Variants in NFIC observed in about 807,000 individuals in gnomAD.
NFIC encodes nuclear factor I C, also known as nuclear factor 1 C-type.
A neutral mutation model predicts 54.4 loss-of-function variants in NFIC; 12 were observed. The ratio of observed to expected loss-of-function variants is 0.22; its 90% CI spans 0.14 to 0.36. The LOEUF (loss-of-function observed/expected upper bound fraction) is 0.36. Ranked by LOEUF, NFIC falls within the 10% of genes least tolerant of loss-of-function variation. The pLI is 1.00. For missense variants in NFIC, 575 were observed against 718.2 expected (o/e 0.80, Z 2.28); for synonymous variants, 322 against 319.2 (o/e 1.01, Z -0.09).
intron 1 of NFIC, among the ~76,000 whole-genome samples, chr19:3,361,470 C>T (rs1298311337): frequency 6.6e-6 from 1 of 152,090 alleles, no homozygotes; most frequent in Non-Finnish European, 1.5e-5. Flanking sequence ...TTTGTCACCT[C>T]CAGGGAAATC....
Position 3,452,525 on chromosome 19 carries a change from TACG to T in NFIC, c.1132_1134del (p.Thr378del). 12 of 1,613,276 alleles carry T rather than the reference TACG, an allele frequency of 7.4e-6. No individual in the cohort carries two copies. The highest frequency in any genetic ancestry group is 1.0e-5 in the Non-Finnish European group (12 of 1,179,998). ...ACCCGTCCTCCGCTCTGCATTTCCC[TACG>T]ACGTCCATCCTACCCCAGACGGCCT... On this transcript the variant is annotated inframe_deletion, in exon 8 of 11. Coordinates refer to ENST00000443272, the MANE Select transcript of NFIC (RefSeq NM_001245002.2). This position sits in a 1 kb window ranked among gnomAD's most constrained non-coding sequence, Gnocchi z 5.3.
At chr19:3,409,857 C>T (rs910126204) in intron 2 of NFIC, among the ~76,000 whole-genome samples, 10 of 152,322 alleles carry the variant, frequency 6.6e-5, no homozygotes, top group Middle Eastern at 3.4e-3. Flanking sequence ...CATGACACCT[C>T]ACAGACCTGG....
chr19:3,417,629 T>TTC (rs1198560977), intron 2 of NFIC, among the ~76,000 whole-genome samples: 3 of 143,930 alleles, frequency 2.1e-5, no homozygotes, highest in African/African-American at 7.8e-5. Context: ...CTTTTCTTTT[T>TTC]TTTTTTTTTT....
intron 3 of NFIC, among the ~76,000 whole-genome samples, chr19:3,431,975 G>A (rs552254216): frequency 4.6e-5 from 7 of 152,256 alleles, no homozygotes; most frequent in South Asian, 2.1e-4. Context: ...GCTGTCTGTC[G>A]CTCACACTGG....
intron 6 of NFIC, among the ~76,000 whole-genome samples, chr19:3,439,845 T>C (rs1025880308): frequency 2.6e-5 from 4 of 151,242 alleles, no homozygotes; most frequent in African/African-American, 4.9e-5. Flanking sequence ...CCCACCACCA[T>C]GCCCGGCTAA....
chr19:3,463,019 A>G lies in NFIC; in HGVS notation c.*250A>G. ...CAAGAAGACAAAAGGTAAAGACGCA[A>G]CGTTTCCAACTCTCGGGACGCCAAG... On this transcript the variant is annotated 3_prime_UTR_variant, in exon 11 of 11. Transcript: ENST00000443272. The G allele has an allele frequency of 7.3e-7, 1 of 1,364,686 alleles. No individual in the cohort carries two copies. The highest frequency in any genetic ancestry group is 1.5e-5 in the African/African-American group (1 of 66,896). The allele number at this position is 1,364,686 out of a possible 1,614,324, so 84.5% of individuals were successfully genotyped here.
rs1036279613 is a variant in NFIC, at chr19:3,452,788, T to G, written c.1269+122T>G. On this transcript the variant is annotated intron_variant, in intron 8 of 10. Coordinates refer to ENST00000443272, the MANE Select transcript of NFIC (RefSeq NM_001245002.2). This position sits in a 1 kb window ranked among gnomAD's most constrained non-coding sequence, Gnocchi z 5.3. Reference sequence around the variant, plus strand: ...GGGTCTTGAGGACTTGGCTCTGAAGTCCCCTCCTCTGTCGTGCTGGGAGGC... The same window carrying G: ...GGGTCTTGAGGACTTGGCTCTGAAGGCCCCTCCTCTGTCGTGCTGGGAGGC... 3.8e-5 allele frequency: 46 copies of G among 1,210,824 alleles called. No individual in the cohort carries two copies. The highest frequency in any genetic ancestry group is 5.1e-5 in the Non-Finnish European group (45 of 879,318). The allele number at this position is 1,210,824 out of a possible 1,614,324, so 75.0% of individuals were successfully genotyped here.
chr19:3,456,586 C>G lies in NFIC; in HGVS notation c.1460C>G (p.Ser487Cys), dbSNP rs1371809996. Residue 487 changes from serine (S) to cysteine (C), a missense_variant, in exon 10 of 11, where the codon TCC (serine) becomes TGC (cysteine). Around this residue, in one of 3 missense-constraint regions of NFIC, gnomAD observed 447 missense variants for 526.9 expected, o/e 0.85. Transcript: ENST00000443272. ...CCCGACACGTCCCCTGCAAACCGTT[C>G]CTTTGTGGGATTAGGACCAAGGGAT... ...SPPDTSPANR[S>C]FVGLGPRDPA... 9.7e-6 allele frequency: 15 copies of G among 1,554,276 alleles called. No homozygotes were observed. The highest frequency in any genetic ancestry group is 1.1e-5 in the Non-Finnish European group (13 of 1,148,216).
chr19:3,380,519 G>A (rs1197053749), intron 1 of NFIC, among the ~76,000 whole-genome samples: 1 of 151,344 alleles, frequency 6.6e-6, no homozygotes, highest in Non-Finnish European at 1.5e-5. Flanking sequence ...AGTAGGGACG[G>A]GGTTTTGCCA....
chr19:3,363,228 T>TGTGTGTGTGTGTGTGTGCGC (rs1420040180), upstream of NFIC, among the ~76,000 whole-genome samples: 137 of 61,758 alleles, frequency 2.2e-3, 7 homozygotes, highest in African/African-American at 5.2e-3. Flanking sequence ...TGTATATGTA[T>TGTGTGTGTGTGTGTGTGCGC]GTGTATGTGT....
At chr19:3,456,388 C>T (rs1464882951) in intron 9 of NFIC, among the ~76,000 whole-genome samples, 162 bp from the exon 10 acceptor site, 2 of 152,178 alleles carry the variant, frequency 1.3e-5, no homozygotes, top group Non-Finnish European at 2.9e-5. Flanking sequence ...CAGGGGGGCC[C>T]GGTTCAACTG....
At chr19:3,403,834 G>A (rs1186144334) in intron 2 of NFIC, among the ~76,000 whole-genome samples, 2 of 140,928 alleles carry the variant, frequency 1.4e-5, no homozygotes, top group African/African-American at 2.6e-5. Context: ...GCCACCCCCC[G>A]CCGCGCCCGG....
rs1260886393 is a variant in NFIC, at chr19:3,370,752, C to T, written c.30+4086C>T. The stretch of plus-strand genomic sequence containing the variant: ...TCTGTTCCTCCTCTTCTTTCTCTCT[C>T]TCTGTCTCTCTGAGCTGGCCTCCCT... On this transcript the variant is annotated intron_variant, in intron 1 of 10. Transcript: ENST00000443272. This position sits in a 1 kb window ranked among gnomAD's most constrained non-coding sequence, Gnocchi z 5.2. 1.3e-5 allele frequency among the ~76,000 whole-genome samples: 2 copies of T among 151,938 alleles called. No homozygotes were observed.
chr19:3,405,354 G>GT (rs1196566355), intron 2 of NFIC, among the ~76,000 whole-genome samples: 4 of 152,172 alleles, frequency 2.6e-5, no homozygotes, highest in African/African-American at 9.7e-5. Flanking sequence ...ATGGGCTTGT[G>GT]TTTTTTCCTC....
At position 3,467,913 on chromosome 19, in the gene NFIC, C is replaced by G. The variant is rs2082739105; in HGVS notation, c.*5144C>G. ...GGAGGGCGCTGGGACATACATCTCT[C>G]AATCCAGCTTCCTCCGCATCCTCCC... On this transcript the variant is annotated 3_prime_UTR_variant, in exon 11 of 11. Coordinates refer to ENST00000443272, the MANE Select transcript of NFIC (RefSeq NM_001245002.2). 6.6e-6 allele frequency: 1 copy of G among 151,588 alleles called. No individual in the cohort carries two copies. The highest frequency in any genetic ancestry group is 2.1e-4 in the South Asian group (1 of 4,798). 9.4% of individuals were successfully genotyped at this position (151,588 alleles called of 1,614,324 possible).
In NFIC at chr19:3,375,094, TAAG is replaced by T. The variant is rs1223587977; in HGVS notation, c.31-6616_31-6614del. Among the ~76,000 whole-genome samples, 6 of 127,458 alleles carry T rather than the reference TAAG, an allele frequency of 4.7e-5. No homozygotes were observed. In the Admixed American group the frequency reaches 5.9e-4, roughly 12 times the overall value. 83.6% of individuals were successfully genotyped at this position (127,458 alleles called of 152,430 possible). A position where few individuals can be genotyped will look rare whatever the true frequency, so the allele number is the denominator to read the frequency against. Reference sequence around the variant, plus strand: ...CGAGGGGCCAGATGAGAAAAGGAATTAAGAGGAGAGGGGAAGTGGGGAGGGGGA... The same window carrying T: ...CGAGGGGCCAGATGAGAAAAGGAATTAGGAGAGGGGAAGTGGGGAGGGGGA... On this transcript the variant is annotated intron_variant, in intron 1 of 10. Coordinates refer to ENST00000443272, the MANE Select transcript of NFIC (RefSeq NM_001245002.2). This position sits in a 1 kb window ranked among gnomAD's most constrained non-coding sequence, Gnocchi z 4.6.
chr19:3,425,640 A>G (rs1391989295), intron 3 of NFIC, among the ~76,000 whole-genome samples: 2 of 151,814 alleles, frequency 1.3e-5, no homozygotes, highest in South Asian at 2.1e-4. Flanking sequence ...TTGTATTTTT[A>G]GTAGAGACGG....
In NFIC at chr19:3,464,342, G is replaced by C. The variant is rs921630854; in HGVS notation, c.*1573G>C. ...GTGTAGGGGGCCTCCCATCTGCTAA[G>C]CGTTTTTCCGTTGAGCCGCTCCAAA... On this transcript the variant is annotated 3_prime_UTR_variant, in exon 11 of 11. Transcript: ENST00000443272. 11 of 984,960 alleles carry C rather than the reference G, an allele frequency of 1.1e-5. No individual in the cohort carries two copies. The highest frequency in any genetic ancestry group is 1.8e-5 in the African/African-American group (1 of 57,084). 61.0% of individuals were successfully genotyped at this position (984,960 alleles called of 1,614,324 possible). A position where few individuals can be genotyped will look rare whatever the true frequency, so the allele number is the denominator to read the frequency against.
At chr19:3,366,959 T>TTC (rs2080899860) in intron 1 of NFIC, among the ~76,000 whole-genome samples, 2 of 130,704 alleles carry the variant, frequency 1.5e-5, no homozygotes, top group African/African-American at 5.9e-5. Flanking sequence ...CAGATTTGCG[T>TTC]CCCCCCCCCA....
Sources: gnomAD v4.1 joint callset for allele counts (sites outside exome capture counted in the v4.1 genomes callset) on GRCh38, gnomAD v4.1.1 for gene constraint, gnomAD v4.1.1 regional missense constraint, Gnocchi (gnomAD v3.1) non-coding constraint, MANE v1.5 for transcripts, NCBI Gene and HGNC (gene_info 2026-07-23, HGNC 2026-07-21) for gene names.